Variants in ADH7 observed in about 807,000 individuals in gnomAD.
ADH7 encodes the protein all-trans-retinol dehydrogenase [NAD(+)] ADH7.
In ADH7, 41 loss-of-function variants were observed where a neutral mutation model predicts 34.4. That is an observed-to-expected ratio of 1.19 (90% CI 0.93 to 1.55). ADH7 has a LOEUF of 1.55. Among genes scored for constraint, ADH7 ranks in the 40% most tolerant of loss-of-function variants. The probability of loss-of-function intolerance (pLI) is 0.00; values close to 1 mark genes in which losing one functional copy is unlikely to be tolerated. For missense variants in ADH7, 540 were observed against 461.2 expected, an observed-to-expected ratio of 1.17 and a Z score of -1.56; for synonymous variants, 180 against 160.9, an observed-to-expected ratio of 1.12 and a Z score of -0.90.
At position 99,433,978 on chromosome 4, in the gene ADH7, C is replaced by T. The variant is rs1721992986; in HGVS notation, c.18+1238G>A. Reference sequence around the variant, plus strand: ...TCCTTTCAAGAGCTACACTGGAACACTACAGAAAGTTGGGAAATATATAAT... The same window carrying T: ...TCCTTTCAAGAGCTACACTGGAACATTACAGAAAGTTGGGAAATATATAAT... On this transcript the variant is annotated intron_variant, in intron 1 of 8. Coordinates refer to ENST00000437033, the MANE Select transcript of ADH7 (RefSeq NM_000673.7). 2.0e-5 allele frequency among the ~76,000 whole-genome samples: 3 copies of T among 152,122 alleles called. No homozygotes were observed. In the South Asian group the frequency reaches 6.2e-4, roughly 32 times the overall value.
At chr4:99,420,115 C>G (rs1178855549) in intron 6 of ADH7, among the ~76,000 whole-genome samples, 1 of 152,128 alleles carries the variant, frequency 6.6e-6, no homozygotes, top group Non-Finnish European at 1.5e-5. Context: ...GTCGATGGAT[C>G]ACAGATTTGG....
In ADH7 at chr4:99,424,258, A is replaced by G. The variant is rs141902990; in HGVS notation, c.565-3465T>C. On this transcript the variant is annotated intron_variant, in intron 5 of 8. Transcript: ENST00000437033. ...TCTACATCTCTGTTTTGGTACCAGT[A>G]CCATGCTGTTTTTGTTACTGTAGCC... 3.9e-3 allele frequency among the ~76,000 whole-genome samples: 587 copies of G among 152,332 alleles called. 11 individuals are homozygous for G. Among genetic ancestry groups the G allele is most frequent in the East Asian group, 0.029 (152 of 5,188 alleles).
rs368178823 is a variant in ADH7 at position 99,420,625 on chromosome 4, C to T, written c.733G>A (p.Asp245Asn). ...ACCTCACTGATGGGTTTGGTAGAGTCCTTGGGACTGATACACTCAGTGGCA... is the reference window on the plus strand; with the variant it reads ...ACCTCACTGATGGGTTTGGTAGAGTTCTTGGGACTGATACACTCAGTGGCA... ...VGATECISPK[D>N]STKPISEVLS... The change falls in exon 6 of 9, where the codon GAC (aspartate) becomes AAC (asparagine). Residue 245 changes from aspartate (D) to asparagine (N), a missense_variant. Coordinates refer to ENST00000437033, the MANE Select transcript of ADH7 (RefSeq NM_000673.7). 2.5e-6 allele frequency: 4 copies of T among 1,613,898 alleles called. No homozygotes were observed. The highest frequency in any genetic ancestry group is 4.5e-5 in the East Asian group (2 of 44,856).
At chr4:99,421,593 A>G (rs1459052408) in intron 5 of ADH7, among the ~76,000 whole-genome samples, 5 of 152,240 alleles carry the variant, frequency 3.3e-5, no homozygotes, top group African/African-American at 7.2e-5. Context: ...AGACATAGGC[A>G]AAGACTTCAT....
chr4:99,428,781 AATC>A, intron 2 of ADH7, 151 bp from the exon 3 acceptor site: 1 of 1,021,990 alleles, frequency 9.8e-7, no homozygotes. Context: ...CTGAGCCAAA[AATC>A]AACCATCAGA....
At chr4:99,425,392 A>T (rs1330987085) in intron 5 of ADH7, among the ~76,000 whole-genome samples, 4 of 152,042 alleles carry the variant, frequency 2.6e-5, no homozygotes, top group Non-Finnish European at 5.9e-5. Flanking sequence ...AAAACAAAAA[A>T]AGGCAGGGGT....
At position 99,429,615 on chromosome 4, in the gene ADH7, C is replaced by A. The variant is rs765269279; in HGVS notation, c.37G>T (p.Ala13Ser). Residue 13 changes from alanine (A) to serine (S), a missense_variant, in exon 2 of 9, where the codon GCT (alanine) becomes TCT (serine). By Grantham distance (99) the Ala-to-Ser change is moderately conservative. Coordinates refer to ENST00000437033, the MANE Select transcript of ADH7 (RefSeq NM_000673.7). The part of the protein sequence containing the change: ...TAGKVIKCKA[A>S]VLWEQKQPFS... ...GGTTGCTTCTGCTCCCAAAGCACAG[C>A]TGCTTTGCATTTAATAACCTAAGAA... 1 of 1,609,884 alleles carries A rather than the reference C, an allele frequency of 6.2e-7. No homozygotes were observed. The highest frequency in any genetic ancestry group is 8.5e-7 in the Non-Finnish European group (1 of 1,177,786).
intron 7 of ADH7, among the ~76,000 whole-genome samples, chr4:99,417,048 C>G (rs957362372): frequency 6.6e-6 from 1 of 152,042 alleles, no homozygotes; most frequent in South Asian, 2.1e-4. Flanking sequence ...TCTCACCAGC[C>G]CCATCACTCC....
intron 7 of ADH7, chr4:99,415,921 A>G (rs1369914795): frequency 5.0e-6 from 1 of 198,982 alleles, no homozygotes; most frequent in African/African-American, 2.4e-5. Context: ...GAGTTGAACA[A>G]TGAGAACACA....
rs968965055 is a variant in ADH7, at chr4:99,428,058, A to G, written c.347+29T>C. On this transcript the variant is annotated intron_variant, in intron 4 of 8. Coordinates refer to ENST00000437033, the MANE Select transcript of ADH7 (RefSeq NM_000673.7). The stretch of plus-strand genomic sequence containing the variant: ...AAATTAGCATAGGAAAAATGTAAAT[A>G]CATTAAAGTAAAAATGACTGAAACC... 2.5e-6 allele frequency: 4 copies of G among 1,613,164 alleles called. No individual in the cohort carries two copies. The Admixed American group carries it at 5.0e-5, about 20-fold the overall frequency.
chr4:99,414,933 A>G (rs1017416729), intron 8 of ADH7, among the ~76,000 whole-genome samples: 1 of 152,206 alleles, frequency 6.6e-6, no homozygotes, highest in African/African-American at 2.4e-5. Context: ...ATATAGTACA[A>G]TGGCATACTA....
At chr4:99,414,454 G>A (rs1034996086) in intron 8 of ADH7, among the ~76,000 whole-genome samples, 6 of 152,162 alleles carry the variant, frequency 3.9e-5, no homozygotes, top group African/African-American at 1.4e-4. Context: ...TCATCTTGTA[G>A]ACAGGCTTTT....
Position 99,428,547 on chromosome 4 carries a change from A to G in ADH7, c.204T>C (p.His68=). Residue 68 remains histidine (H), a synonymous_variant, in exon 3 of 9, where the codon CAT becomes CAC. Coordinates refer to ENST00000437033, the MANE Select transcript of ADH7 (RefSeq NM_000673.7). The part of the protein sequence containing the change: ...MVSKFPVIVG[H]EATGIVESIG... The stretch of plus-strand genomic sequence containing the variant: ...TGCTCTCTACAATCCCAGTTGCCTC[A>G]TGTCCCACAATCACTGGAAACTTGG... 1.2e-6 allele frequency: 2 copies of G among 1,613,940 alleles called. No homozygotes were observed. Among genetic ancestry groups the G allele is most frequent in the Non-Finnish European group, 1.7e-6 (2 of 1,179,886 alleles).
At chr4:99,426,332 AAGAG>A (rs1291300922) in intron 5 of ADH7, among the ~76,000 whole-genome samples, 1 of 152,224 alleles carries the variant, frequency 6.6e-6, no homozygotes, top group Non-Finnish European at 1.5e-5. Flanking sequence ...TAAAGAAAAA[AAGAG>A]AGGAGAATCA....
At position 99,420,758 on chromosome 4, in the gene ADH7, C is replaced by T. The variant is rs771246985; in HGVS notation, c.600G>A (p.Leu200=). 2.0e-5 allele frequency: 32 copies of T among 1,613,726 alleles called. No homozygotes were observed. In the Admixed American group the frequency reaches 5.3e-4, roughly 27 times the overall value. ...TGATGACTGACAGGCCAACTCCTCCCAGGCCAAAGACGACGCAAGTGGAAC... is the reference window on the plus strand; with the variant it reads ...TGATGACTGACAGGCCAACTCCTCCTAGGCCAAAGACGACGCAAGTGGAAC... ...KPGSTCVVFG[L]GGVGLSVIMG... The change falls in exon 6 of 9, where the codon CTG becomes CTA. Residue 200 remains leucine, a synonymous_variant. Coordinates refer to ENST00000437033, the MANE Select transcript of ADH7 (RefSeq NM_000673.7).
At chr4:99,427,110 T>C (rs1388274767) in intron 5 of ADH7, among the ~76,000 whole-genome samples, 2 of 152,182 alleles carry the variant, frequency 1.3e-5, no homozygotes, top group Non-Finnish European at 2.9e-5. Context: ...TCCAATTTAC[T>C]TGTGAAATTT....
At chr4:99,420,890 T>G in intron 5 of ADH7, 97 bp from the exon 6 acceptor site, 1 of 1,102,278 alleles carries the variant, frequency 9.1e-7, no homozygotes, top group Non-Finnish European at 1.3e-6. Context: ...ATGAGTGAAC[T>G]CCCATTCACA....
At chr4:99,433,513 A>G (rs947088546) in intron 1 of ADH7, among the ~76,000 whole-genome samples, 3 of 152,076 alleles carry the variant, frequency 2.0e-5, no homozygotes, top group Non-Finnish European at 2.9e-5. Context: ...TATGGGATGA[A>G]TTGTGTCTCC....
At position 99,420,789 on chromosome 4, in the gene ADH7, T is replaced by G. The variant is rs778461610; in HGVS notation, c.569A>C (p.Lys190Thr). The G allele has an allele frequency of 5.0e-6, 8 of 1,613,658 alleles. No homozygotes were observed. The highest frequency in any genetic ancestry group is 6.8e-6 in the Non-Finnish European group (8 of 1,179,870). ...AAAGACGACGCAAGTGGAACCAGGT[T>G]TGACCTGTGGAGAGGAATGTTCTTG... The part of the protein sequence containing the change: ...YGAAVKTGKV[K>T]PGSTCVVFGL... Residue 190 changes from lysine to threonine, a missense_variant, in exon 6 of 9, where the codon AAA becomes ACA. Coordinates refer to ENST00000437033, the MANE Select transcript of ADH7 (RefSeq NM_000673.7).
Sources: gnomAD v4.1 joint callset for allele counts (sites outside exome capture counted in the v4.1 genomes callset) on GRCh38, gnomAD v4.1.1 for gene constraint, MANE v1.5 for transcripts, NCBI Gene and HGNC (gene_info 2026-07-23, HGNC 2026-07-21) for gene names.